SCD5: variants seen among roughly 807,000 people sequenced by gnomAD.
SCD5 encodes the protein stearoyl-CoA desaturase 5.
Under a neutral mutation model 30.4 loss-of-function variants are expected in SCD5, and 20 were observed. That is an observed-to-expected ratio of 0.66 (90% confidence interval 0.46 to 0.96). The LOEUF (loss-of-function observed/expected upper bound fraction) is 0.96, where lower values mean the gene tolerates loss of function less well. Among genes scored for constraint, SCD5 ranks in the 40% least tolerant of loss-of-function variants. The pLI, the probability that SCD5 is intolerant of heterozygous loss-of-function variation, is 0.00. For synonymous variants in SCD5, 173 were observed against 176.4 expected, an observed-to-expected ratio of 0.98 and a Z score of 0.16; for missense variants, 381 against 443.3, an observed-to-expected ratio of 0.86 and a Z score of 1.26.
chr4:82,762,505 A>T (rs541986819), intron 1 of SCD5, among the ~76,000 whole-genome samples: 1 of 152,306 alleles, frequency 6.6e-6, no homozygotes, highest in South Asian at 2.1e-4. Flanking sequence ...GGCCTCCCAA[A>T]GTGCTGGGAT....
intron 1 of SCD5, among the ~76,000 whole-genome samples, chr4:82,747,257 G>A (rs11933135): frequency 0.28 from 42,642 of 152,142 alleles, 10,400 homozygotes; most frequent in African/African-American, 0.66. Context: ...TTATAACCAT[G>A]CTTATTACAA....
intron 3 of SCD5, among the ~76,000 whole-genome samples, chr4:82,678,789 A>T (rs1025183805): frequency 2.0e-5 from 3 of 152,254 alleles, no homozygotes; most frequent in Non-Finnish European, 4.4e-5. Flanking sequence ...TTATCTGTTA[A>T]GACTGTGAAT....
chr4:82,798,258 C>A (rs1157331874), intron 1 of SCD5, 48 bp downstream of exon 1: 3 of 1,448,124 alleles, frequency 2.1e-6, no homozygotes, highest in South Asian at 2.9e-5. Flanking sequence ...CGCCCCAGCG[C>A]GGCCTGGCCA....
intron 1 of SCD5, among the ~76,000 whole-genome samples, chr4:82,728,498 C>T (rs936251772): frequency 2.0e-5 from 3 of 152,154 alleles, no homozygotes; most frequent in African/African-American, 7.2e-5. Flanking sequence ...TTGCTGACTT[C>T]CCCAATTGCT....
chr4:82,784,734 T>C (rs1329689005), intron 1 of SCD5, among the ~76,000 whole-genome samples: 2 of 152,126 alleles, frequency 1.3e-5, no homozygotes, highest in East Asian at 1.9e-4. Context: ...GTGAAAGGGA[T>C]AGAAGCTGAA....
chr4:82,690,959 A>T (rs886716141), intron 2 of SCD5, among the ~76,000 whole-genome samples: 2 of 152,256 alleles, frequency 1.3e-5, no homozygotes, highest in African/African-American at 4.8e-5. Flanking sequence ...TGTGAAGCCA[A>T]TAAAGGAGCT....
In SCD5 at chr4:82,660,583, C is replaced by T. The variant is rs578045727; in HGVS notation, c.569+20124G>A. Reference sequence around the variant, plus strand: ...TTTCACATATATTAACTAATGTATTCTCCCAATAATTTTGTAAGGTAGGTA... The same window carrying T: ...TTTCACATATATTAACTAATGTATTTTCCCAATAATTTTGTAAGGTAGGTA... On this transcript the variant is annotated intron_variant, in intron 3 of 4. Coordinates refer to ENST00000319540, the MANE Select transcript of SCD5 (RefSeq NM_001037582.3). The T allele has an allele frequency of 7.4e-5, 91 of 1,232,966 alleles. No individual in the cohort carries two copies. The South Asian group carries it at 1.6e-3, about 22-fold the overall frequency. 76.4% of individuals were successfully genotyped at this position (1,232,966 alleles called of 1,614,324 possible).
intron 1 of SCD5, among the ~76,000 whole-genome samples, chr4:82,730,686 C>T (rs1019288957): frequency 1.4e-5 from 2 of 146,990 alleles, no homozygotes; most frequent in Non-Finnish European, 3.0e-5. Flanking sequence ...CCCGGGTTCA[C>T]ACCATTCTCC....
chr4:82,656,020 G>A (rs980610130), intron 3 of SCD5, among the ~76,000 whole-genome samples: 1 of 152,096 alleles, frequency 6.6e-6, no homozygotes, highest in African/African-American at 2.4e-5. Context: ...GTCCACAATA[G>A]GGGAAAATGT....
At chr4:82,730,458 G>A (rs1720612242) in intron 1 of SCD5, among the ~76,000 whole-genome samples, 1 of 150,668 alleles carries the variant, frequency 6.6e-6, no homozygotes, top group South Asian at 2.1e-4. Context: ...CACTATGCCT[G>A]GCTAATTTTT....
intron 1 of SCD5, among the ~76,000 whole-genome samples, chr4:82,715,724 A>G (rs1343137822): frequency 1.3e-5 from 2 of 151,752 alleles, no homozygotes; most frequent in Non-Finnish European, 2.9e-5. Flanking sequence ...AGATGCATTG[A>G]TAAGAGGAAA....
intron 1 of SCD5, among the ~76,000 whole-genome samples, chr4:82,716,646 T>C (rs963718295): frequency 8.6e-5 from 13 of 151,612 alleles, no homozygotes; most frequent in Non-Finnish European, 1.8e-4. Context: ...AAACCCTGTC[T>C]CTACTAAAAT....
At chr4:82,680,950 C>T (rs1331782550) in intron 2 of SCD5, 38 bp from the exon 3 acceptor site, 4 of 1,581,122 alleles carry the variant, frequency 2.5e-6, no homozygotes, top group Middle Eastern at 2.1e-4. Context: ...AGAGAGGAAC[C>T]GCACCGCCGA....
intron 1 of SCD5, among the ~76,000 whole-genome samples, chr4:82,754,687 C>A (rs56352959): frequency 1.9e-4 from 29 of 152,330 alleles, no homozygotes; most frequent in South Asian, 1.0e-3. Flanking sequence ...TCTTGCATAG[C>A]GGATGGCATC....
At chr4:82,699,877 G>A (rs951549703) in intron 2 of SCD5, among the ~76,000 whole-genome samples, 9 of 151,678 alleles carry the variant, frequency 5.9e-5, no homozygotes, top group Non-Finnish European at 1.2e-4. Context: ...GGCCAGGATG[G>A]TCTCGATCTC....
rs762732703 is a variant in SCD5, at chr4:82,712,243, CATATATATATATATATATATATATATAT to C, written c.233-6858_233-6831del. Among the ~76,000 whole-genome samples, 85 of 28,832 alleles carry C rather than the reference CATATATATATATATATATATATATATAT, an allele frequency of 2.9e-3. 10 individuals are homozygous for C. In the East Asian group the frequency reaches 0.043, roughly 15 times the overall value. 18.9% of individuals were successfully genotyped at this position (28,832 alleles called of 152,430 possible). On this transcript the variant is annotated intron_variant, in intron 1 of 4. Transcript: ENST00000319540. Reference sequence around the variant, plus strand: ...ATAGGTCTGGGGAGGGACCAACTAACATATATATATATATATATATATATATATATATATATATATATATATATATATA... The same window carrying C: ...ATAGGTCTGGGGAGGGACCAACTAACATATATATATATATATATATATATA...
chr4:82,715,417 C>T (rs546872746), intron 1 of SCD5, among the ~76,000 whole-genome samples: 1 of 151,552 alleles, frequency 6.6e-6, no homozygotes, highest in African/African-American at 2.4e-5. Flanking sequence ...TGTGCTGAAC[C>T]GATGGGCTTC....
At chr4:82,727,396 C>T (rs115859581) in intron 1 of SCD5, among the ~76,000 whole-genome samples, 1,559 of 152,292 alleles carry the variant, frequency 0.01, 28 homozygotes, top group African/African-American at 0.036. Flanking sequence ...CAGAAACACA[C>T]TCATCCTCAC....
intron 3 of SCD5, among the ~76,000 whole-genome samples, chr4:82,666,666 C>T (rs772410421): frequency 2.0e-4 from 31 of 152,162 alleles, no homozygotes; most frequent in Non-Finnish European, 3.8e-4. Context: ...TAAAATTTAA[C>T]CTTGCTTTAA....
Sources: gnomAD v4.1 joint callset for allele counts (sites outside exome capture counted in the v4.1 genomes callset) on GRCh38, gnomAD v4.1.1 for gene constraint, MANE v1.5 for transcripts, NCBI Gene and HGNC (gene_info 2026-07-23, HGNC 2026-07-21) for gene names.